CADM2: variants seen among roughly 807,000 people sequenced by gnomAD.
CADM2 encodes immunoglobulin superfamily member 4D.
In CADM2, 12 loss-of-function variants were observed where a neutral mutation model predicts 49.8. The ratio of observed to expected loss-of-function variants is 0.24; its 90% CI spans 0.15 to 0.39. CADM2 has a LOEUF of 0.39. CADM2 is among the 10% of genes least tolerant of loss of function. The pLI, the probability that CADM2 is intolerant of heterozygous loss-of-function variation, is 1.00. For missense variants in CADM2, 378 were observed against 492.3 expected, an observed-to-expected ratio of 0.77 and a Z score of 2.20; for synonymous variants, 214 against 175.4, an observed-to-expected ratio of 1.22 and a Z score of -1.74.
intron 1 of CADM2, among the ~76,000 whole-genome samples, chr3:85,351,201 C>G (rs751418722): frequency 6.6e-6 from 1 of 151,830 alleles, no homozygotes; most frequent in Non-Finnish European, 1.5e-5. Context: ...CATGATTGAA[C>G]TGAAAAAAAC....
chr3:85,166,437 A>G (rs948004795), intron 1 of CADM2, among the ~76,000 whole-genome samples: 1 of 151,830 alleles, frequency 6.6e-6, no homozygotes, highest in Non-Finnish European at 1.5e-5. Flanking sequence ...TTCAGACATA[A>G]TTATCCTATT....
chr3:85,209,605 T>C (rs761511376), intron 1 of CADM2, among the ~76,000 whole-genome samples: 3 of 152,074 alleles, frequency 2.0e-5, no homozygotes, highest in Non-Finnish European at 2.9e-5. Context: ...TAAAGAGTCT[T>C]GAATCACAAA....
chr3:85,492,838 GT>G (rs2039733299), intron 1 of CADM2, among the ~76,000 whole-genome samples: 1 of 152,080 alleles, frequency 6.6e-6, no homozygotes, highest in Admixed American at 6.6e-5. Context: ...CAATAAAGGT[GT>G]CATCTGAGCA....
At chr3:85,602,825 T>G (rs1209600248) in intron 1 of CADM2, among the ~76,000 whole-genome samples, 2 of 151,896 alleles carry the variant, frequency 1.3e-5, no homozygotes, top group Non-Finnish European at 2.9e-5. Flanking sequence ...CAATTTGCAT[T>G]TGACCCTTGA....
chr3:85,321,085 TA>T (rs2044586693), intron 1 of CADM2, among the ~76,000 whole-genome samples: 1 of 111,446 alleles, frequency 9.0e-6, no homozygotes, highest in Non-Finnish European at 1.9e-5. Flanking sequence ...TCATAATAGA[TA>T]TATACATATA....
At chr3:85,788,927 G>A (rs1278145314) in intron 2 of CADM2, among the ~76,000 whole-genome samples, 2 of 151,880 alleles carry the variant, frequency 1.3e-5, no homozygotes, top group Non-Finnish European at 2.9e-5. Context: ...TTGAACTTAT[G>A]TAATTTTTAA....
intron 1 of CADM2, among the ~76,000 whole-genome samples, chr3:85,267,905 C>T (rs2043155965): frequency 6.6e-6 from 1 of 151,592 alleles, no homozygotes; most frequent in South Asian, 2.1e-4. Context: ...TGGTTCATTA[C>T]ATTCGTTCAT....
chr3:84,980,612 T>C (rs915717424), intron 1 of CADM2, among the ~76,000 whole-genome samples: 1 of 152,188 alleles, frequency 6.6e-6, no homozygotes, highest in Non-Finnish European at 1.5e-5. Context: ...TGGAGGAATG[T>C]AACTTCAGGT....
At chr3:86,024,377 A>G (rs767974712) in intron 8 of CADM2, among the ~76,000 whole-genome samples, 3 of 152,208 alleles carry the variant, frequency 2.0e-5, no homozygotes, top group Non-Finnish European at 4.4e-5. Flanking sequence ...GAGAATCTCT[A>G]TTGCTGAGTT....
intron 2 of CADM2, among the ~76,000 whole-genome samples, chr3:85,796,259 C>A (rs549219349): frequency 1.3e-5 from 2 of 152,116 alleles, no homozygotes; most frequent in Non-Finnish European, 2.9e-5. Flanking sequence ...TGTTTTGAAA[C>A]CATTTGGAGC....
intron 1 of CADM2, among the ~76,000 whole-genome samples, chr3:85,012,255 C>T (rs1030653594): frequency 6.6e-6 from 1 of 150,930 alleles, no homozygotes; most frequent in Non-Finnish European, 1.5e-5. Context: ...TGGTGTATCT[C>T]ATGCAGTAAA....
intron 1 of CADM2, among the ~76,000 whole-genome samples, chr3:85,302,854 A>G (rs939932777): frequency 6.6e-6 from 1 of 152,000 alleles, no homozygotes; most frequent in Non-Finnish European, 1.5e-5. Context: ...TTGAGAATCA[A>G]AGGTTGGACT....
Position 86,072,810 on chromosome 3 carries a change from C to T in CADM2, c.*6027C>T, listed in dbSNP as rs764350148. 1.2e-4 allele frequency: 18 copies of T among 151,968 alleles called. No individual in the cohort carries two copies. The highest frequency in any genetic ancestry group is 2.5e-4 in the Non-Finnish European group (17 of 67,940). 9.4% of individuals were successfully genotyped at this position (151,968 alleles called of 1,614,324 possible). ...TAAACTGAATTGTTATATCTCTATC[C>T]TTTTTGCTTTTCTCTGTGTTTTTAA... On this transcript the variant is annotated 3_prime_UTR_variant, in exon 10 of 10. Coordinates refer to ENST00000383699, the MANE Select transcript of CADM2 (RefSeq NM_001167675.2).
At chr3:85,649,181 C>G (rs1366676121) in intron 1 of CADM2, among the ~76,000 whole-genome samples, 1 of 152,114 alleles carries the variant, frequency 6.6e-6, no homozygotes, top group Non-Finnish European at 1.5e-5. Context: ...ACTTCACAGA[C>G]TCTTAAGAGA....
rs1480376123 is a variant in CADM2, at chr3:86,052,101, A to C, written c.971-13504A>C. ...GGTAGGAGAAAAGAATTAAATAAAC[A>C]CAATTTGTTATAGAAACATAAACAA... On this transcript the variant is annotated intron_variant, in intron 8 of 9. Transcript: ENST00000383699. Among the ~76,000 whole-genome samples the C allele has an allele frequency of 2.0e-5, 3 of 152,348 alleles. No individual in the cohort carries two copies. The East Asian group carries it at 5.8e-4, about 29-fold the overall frequency.
chr3:85,285,578 CA>C (rs1340518135), intron 1 of CADM2, among the ~76,000 whole-genome samples: 2 of 152,006 alleles, frequency 1.3e-5, no homozygotes, highest in East Asian at 3.9e-4. Flanking sequence ...GTTTGAACAG[CA>C]AGTTACAATA....
intron 1 of CADM2, among the ~76,000 whole-genome samples, chr3:85,658,754 A>T (rs1340958787): frequency 6.6e-6 from 1 of 150,884 alleles, no homozygotes; most frequent in Non-Finnish European, 1.5e-5. Context: ...GTTTCTGACA[A>T]ACTCTACTGG....
At chr3:85,779,092 C>A (rs1313962931) in intron 2 of CADM2, among the ~76,000 whole-genome samples, 1 of 152,012 alleles carries the variant, frequency 6.6e-6, no homozygotes. Context: ...CAAGAGAGTA[C>A]TTTACAGTAT....
intron 2 of CADM2, among the ~76,000 whole-genome samples, chr3:85,781,052 C>T (rs2070616007): frequency 6.6e-6 from 1 of 152,094 alleles, no homozygotes. Context: ...AGATGGCTGG[C>T]AACTAACTGT....
Sources: gnomAD v4.1 joint callset for allele counts (sites outside exome capture counted in the v4.1 genomes callset) on GRCh38, gnomAD v4.1.1 for gene constraint, MANE v1.5 for transcripts, NCBI Gene and HGNC (gene_info 2026-07-23, HGNC 2026-07-21) for gene names.